The following LRRIQ3 variants were observed in gnomAD, a reference collection of about 807,000 sequenced individuals.
LRRIQ3 encodes the protein leucine rich repeats and IQ motif containing 3, also known as leucine-rich repeat and IQ domain-containing protein 3.
A neutral mutation model predicts 59.3 loss-of-function variants in LRRIQ3; 75 were observed. The ratio of observed to expected loss-of-function variants is 1.26; its 90% confidence interval spans 1.05 to 1.53. The LOEUF (loss-of-function observed/expected upper bound fraction) is 1.53. Ranked by LOEUF, LRRIQ3 falls within the 40% of genes most tolerant of loss-of-function variation. The probability of loss-of-function intolerance (pLI) is 0.00; values close to 1 mark genes in which losing one functional copy is unlikely to be tolerated. For missense variants in LRRIQ3, 831 were observed against 710.0 expected (o/e 1.17, Z -1.94); for synonymous variants, 250 against 231.3 (o/e 1.08, Z -0.73).
chr1:74,179,487 A>G (rs545613325), intron 3 of LRRIQ3, among the ~76,000 whole-genome samples: 45 of 151,906 alleles, frequency 3.0e-4, no homozygotes, highest in Non-Finnish European at 5.0e-4. Flanking sequence ...AATTGTGTGA[A>G]CTCTTACAAG....
intron 5 of LRRIQ3, among the ~76,000 whole-genome samples, chr1:74,107,591 TAATAA>T (rs1392846999): frequency 6.7e-6 from 1 of 149,126 alleles, no homozygotes; most frequent in Non-Finnish European, 1.5e-5. Flanking sequence ...ATTATATAAA[TAATAA>T]AATAAGAATA....
chr1:74,100,929 A>C (rs1646521373), intron 5 of LRRIQ3, among the ~76,000 whole-genome samples: 1 of 152,158 alleles, frequency 6.6e-6, no homozygotes, highest in Non-Finnish European at 1.5e-5. Context: ...TAAAGACTTA[A>C]ATGTTAGACC....
At chr1:74,115,387 T>C (rs1646764688) in intron 4 of LRRIQ3, among the ~76,000 whole-genome samples, 1 of 152,182 alleles carries the variant, frequency 6.6e-6, no homozygotes, top group Admixed American at 6.6e-5. Flanking sequence ...CATCTCATCT[T>C]ATTTTTACTG....
rs959850363 is a variant in LRRIQ3, at chr1:74,151,103, C to T, written c.707+4630G>A. ...CGCGATCTCGGCTCACTACAACCTC[C>T]GCCTCCTGGGTTCAAGCAATTCTCC... On this transcript the variant is annotated intron_variant, in intron 4 of 7. Transcript: ENST00000354431. Among the ~76,000 whole-genome samples, 5 of 149,536 alleles carry T rather than the reference C, an allele frequency of 3.3e-5. No homozygotes were observed. In the East Asian group the frequency reaches 5.9e-4, roughly 18 times the overall value.
intron 1 of LRRIQ3, among the ~76,000 whole-genome samples, chr1:74,185,662 G>A (rs1650318001): frequency 6.6e-6 from 1 of 151,944 alleles, no homozygotes; most frequent in Non-Finnish European, 1.5e-5. Flanking sequence ...TCCTTGAAAG[G>A]GCCGGGCGCA....
At chr1:74,123,553 G>A (rs1325889921) in intron 4 of LRRIQ3, among the ~76,000 whole-genome samples, 4 of 151,860 alleles carry the variant, frequency 2.6e-5, no homozygotes, top group Non-Finnish European at 4.4e-5. Context: ...AATAAGCAAA[G>A]TTTGTCTTTC....
chr1:74,195,272 C>T (rs969429487), intron 1 of LRRIQ3, among the ~76,000 whole-genome samples: 1 of 152,142 alleles, frequency 6.6e-6, no homozygotes, highest in Non-Finnish European at 1.5e-5. Flanking sequence ...CCATGAAGCA[C>T]AAGGACTGGA....
At position 74,148,832 on chromosome 1, in the gene LRRIQ3, C is replaced by T. The variant is rs1443916839; in HGVS notation, c.707+6901G>A. ...GGTCACCTAGGAATTCTGTCTACCA[C>T]ATGTGAGAAGAGATTAAATAAGATC... On this transcript the variant is annotated intron_variant, in intron 4 of 7. Coordinates refer to ENST00000354431, the MANE Select transcript of LRRIQ3 (RefSeq NM_001105659.2). Among the ~76,000 whole-genome samples the T allele has an allele frequency of 2.0e-5, 3 of 152,118 alleles. No individual in the cohort carries two copies. In the East Asian group the frequency reaches 5.8e-4, roughly 29 times the overall value.
At chr1:74,029,386 T>C (rs1653625797) in intron 7 of LRRIQ3, among the ~76,000 whole-genome samples, 1 of 151,864 alleles carries the variant, frequency 6.6e-6, no homozygotes, top group Admixed American at 6.6e-5. Context: ...TGAGGTAATT[T>C]ATTGAGAGTT....
chr1:74,113,771 G>A lies in LRRIQ3; in HGVS notation c.708-4218C>T, dbSNP rs957511733. 2.6e-5 allele frequency among the ~76,000 whole-genome samples: 4 copies of A among 151,888 alleles called. No individual in the cohort carries two copies. The South Asian group carries it at 6.2e-4, about 24-fold the overall frequency. On this transcript the variant is annotated intron_variant, in intron 4 of 7. Coordinates refer to ENST00000354431, the MANE Select transcript of LRRIQ3 (RefSeq NM_001105659.2). ...TTACTTCTAGCAGCATGCTTTTTAC[G>A]AGCTAATAAAGGAAGTTCTCTTTAG... is the stretch of plus-strand genomic sequence containing the variant.
At chr1:74,151,763 T>C (rs530508236) in intron 4 of LRRIQ3, among the ~76,000 whole-genome samples, 14 of 152,052 alleles carry the variant, frequency 9.2e-5, no homozygotes, top group Admixed American at 7.9e-4. Flanking sequence ...ATAATAGTAA[T>C]TGAGTGGCAG....
At position 74,182,859 on chromosome 1, in the gene LRRIQ3, T is replaced by C. The variant is rs150429657; in HGVS notation, c.252A>G (p.Ile84Met). The C allele has an allele frequency of 5.7e-6, 8 of 1,415,682 alleles. No individual in the cohort carries two copies. In the African/African-American group the frequency reaches 1.0e-4, roughly 18 times the overall value. 87.7% of individuals were successfully genotyped at this position (1,415,682 alleles called of 1,614,324 possible). A position where few individuals can be genotyped will look rare whatever the true frequency, so the allele number is the denominator to read the frequency against. Reference sequence around the variant, plus strand: ...AAAATTTGGTATTTGGTAGACTCTTTATCTGAAATATTATTAAAAATCTTT... The same window carrying C: ...AAAATTTGGTATTTGGTAGACTCTTCATCTGAAATATTATTAAAAATCTTT... The part of the protein sequence containing the change: ...LIKLDLHGNQ[I>M]KSLPNTKFWN... The change falls in exon 3 of 8, where the codon ATA (isoleucine) becomes ATG (methionine). Residue 84 changes from isoleucine (I) to methionine (M), a missense_variant and splice_region_variant. By Grantham distance (10) the Ile-to-Met change is conservative. Coordinates refer to ENST00000354431, the MANE Select transcript of LRRIQ3 (RefSeq NM_001105659.2).
In LRRIQ3 at chr1:74,049,571, T is replaced by C. The variant is rs149688019; in HGVS notation, c.998-7638A>G. Among the ~76,000 whole-genome samples, 51 of 152,254 alleles carry C rather than the reference T, an allele frequency of 3.3e-4. No homozygotes were observed. In the East Asian group the frequency reaches 7.5e-3, roughly 22 times the overall value. ...AAAGAAAAAAATCAAAGATGAATGG[T>C]AGCATTTTGGCTTGAGAAACCAGGT... On this transcript the variant is annotated intron_variant, in intron 6 of 7. Coordinates refer to ENST00000354431, the MANE Select transcript of LRRIQ3 (RefSeq NM_001105659.2).
At position 74,084,958 on chromosome 1, in the gene LRRIQ3, T is replaced by C. The variant is rs1392396129; in HGVS notation, c.868-10168A>G. Among the ~76,000 whole-genome samples, 7 of 151,844 alleles carry C rather than the reference T, an allele frequency of 4.6e-5. No homozygotes were observed. In the East Asian group the frequency reaches 1.4e-3, roughly 29 times the overall value. On this transcript the variant is annotated intron_variant, in intron 5 of 7. Transcript: ENST00000354431. ...TATCTTTGAAGGGTATTCCAAGTTC[T>C]ACTATAACAGGACTGTCAAGAAAAT...
At chr1:74,110,513 C>T (rs2100563687) in intron 4 of LRRIQ3, among the ~76,000 whole-genome samples, 2 of 152,022 alleles carry the variant, frequency 1.3e-5, no homozygotes, top group Middle Eastern at 6.8e-3. Flanking sequence ...CTTTGTAAAA[C>T]AGGATCAAAA....
intron 3 of LRRIQ3, among the ~76,000 whole-genome samples, chr1:74,165,626 G>C (rs1273148436): frequency 6.6e-6 from 1 of 151,496 alleles, no homozygotes; most frequent in Non-Finnish European, 1.5e-5. Flanking sequence ...ATGTTGAAAA[G>C]AGAAGTGACA....
intron 4 of LRRIQ3, among the ~76,000 whole-genome samples, chr1:74,148,062 T>C (rs984133515): frequency 2.0e-5 from 3 of 152,230 alleles, no homozygotes; most frequent in South Asian, 2.1e-4. Flanking sequence ...ATTTCAAATA[T>C]ATTTTTTCCT....
rs1570275208 is a variant in LRRIQ3, at chr1:74,183,647, T to C, written c.38A>G (p.His13Arg). ...TTCATTATAGTGACTCCATTCTTCA[T>C]GACTGGTTAGCTCTTCTGTGACTGT... ...HGTVTEELTS[H>R]EEWSHYNENI... is the part of the protein sequence containing the mutation. Residue 13 changes from histidine (H) to arginine (R), a missense_variant, in exon 2 of 8, where the codon CAT becomes CGT. Physicochemically the swap from His to Arg is conservative, Grantham distance 29 (BLOSUM62 0). Transcript: ENST00000354431. 2 of 1,609,460 alleles carry C rather than the reference T, an allele frequency of 1.2e-6. No individual in the cohort carries two copies. Among genetic ancestry groups the C allele is most frequent in the Non-Finnish European group, 1.7e-6 (2 of 1,177,626 alleles).
intron 5 of LRRIQ3, among the ~76,000 whole-genome samples, chr1:74,086,604 A>G (rs1646329845): frequency 6.6e-6 from 1 of 152,090 alleles, no homozygotes; most frequent in Non-Finnish European, 1.5e-5. Context: ...GAATCTCAAG[A>G]TAAAGTGTAT....
Sources: allele counts gnomAD v4.1 joint callset (sites outside exome capture counted in the v4.1 genomes callset), GRCh38; gene constraint gnomAD v4.1.1; transcripts MANE v1.5; gene names NCBI Gene and HGNC (gene_info 2026-07-23, HGNC 2026-07-21).